SOX5: variants seen among roughly 807,000 people sequenced by gnomAD.
SOX5 encodes SRY-box transcription factor 5, also known as transcription factor SOX-5.
A neutral mutation model predicts 92.0 loss-of-function variants in SOX5; 9 were observed. The observed-to-expected ratio is 0.10, with a 90% CI of 0.06 to 0.17. The LOEUF (loss-of-function observed/expected upper bound fraction) is 0.17. SOX5 is among the 10% of genes least tolerant of loss of function. SOX5 has a pLI of 1.00. For missense variants in SOX5, 642 were observed against 944.5 expected (o/e 0.68, Z 4.20); for synonymous variants, 344 against 336.3 (o/e 1.02, Z -0.25).
rs148922467 is a variant in SOX5, at chr12:23,776,463, A to G, written c.482-20739T>C. Among the ~76,000 whole-genome samples, 65 of 152,306 alleles carry G rather than the reference A, an allele frequency of 4.3e-4. 1 individual carries two copies. The East Asian group carries it at 9.6e-3, about 23-fold the overall frequency. On this transcript the variant is annotated intron_variant, in intron 3 of 14. Transcript: ENST00000451604. ...TCAGAGAAGAAACTATAGAAACAGA[A>G]CTTTAGAGTTGAAAGGGACCTTAGA... is the stretch of plus-strand genomic sequence containing the variant.
At chr12:24,176,266 C>A (rs1954799335) in intron 4 of SOX5, among the ~76,000 whole-genome samples, 2 of 151,888 alleles carry the variant, frequency 1.3e-5, no homozygotes, top group African/African-American at 4.8e-5. Flanking sequence ...GAAGTTCAGA[C>A]TGCAGTGAGC....
chr12:23,882,679 A>C (rs1012678780), intron 2 of SOX5, among the ~76,000 whole-genome samples: 1 of 152,224 alleles, frequency 6.6e-6, no homozygotes, highest in African/African-American at 2.4e-5. Flanking sequence ...ACTGAAACTC[A>C]CTATACAAAA....
Position 23,776,691 on chromosome 12 carries a change from C to T in SOX5, c.482-20967G>A, listed in dbSNP as rs183330276. On this transcript the variant is annotated intron_variant, in intron 3 of 14. Transcript: ENST00000451604. ...AATGGTTCCACCTCAGATCATCAGG[C>T]ATTAGATTCTCATACAGAGTGCACA... 3.1e-4 allele frequency among the ~76,000 whole-genome samples: 47 copies of T among 152,236 alleles called. 1 individual carries two copies. The East Asian group carries it at 8.3e-3, about 27-fold the overall frequency.
At chr12:23,815,534 A>G (rs973788584) in intron 3 of SOX5, among the ~76,000 whole-genome samples, 1 of 152,204 alleles carries the variant, frequency 6.6e-6, no homozygotes, top group Non-Finnish European at 1.5e-5. Context: ...TAATAAAAAC[A>G]TTGATAGCTC....
chr12:23,731,218 T>G (rs754178069), intron 6 of SOX5, among the ~76,000 whole-genome samples: 26 of 152,172 alleles, frequency 1.7e-4, no homozygotes, highest in Non-Finnish European at 2.5e-4. Flanking sequence ...ATCAACAGCT[T>G]CCCTGGTTCT....
chr12:23,824,647 G>A (rs558849967), intron 3 of SOX5, among the ~76,000 whole-genome samples: 1 of 152,294 alleles, frequency 6.6e-6, no homozygotes, highest in South Asian at 2.1e-4. Context: ...TTCAGAGCCT[G>A]TAGGCAGGGA....
intron 8 of SOX5, among the ~76,000 whole-genome samples, chr12:23,639,226 C>T (rs1158635645): frequency 6.6e-6 from 1 of 152,018 alleles, no homozygotes; most frequent in African/African-American, 2.4e-5. Context: ...ATAAAAATCT[C>T]ATATAGTATA....
intron 1 of SOX5, among the ~76,000 whole-genome samples, chr12:23,918,514 G>A (rs567261122): frequency 1.3e-5 from 2 of 152,222 alleles, no homozygotes; most frequent in South Asian, 4.1e-4. Flanking sequence ...AATGAATATG[G>A]TTCTTTATTT....
intron 3 of SOX5, among the ~76,000 whole-genome samples, chr12:23,827,831 A>G (rs1470473359): frequency 6.6e-6 from 1 of 152,212 alleles, no homozygotes; most frequent in East Asian, 1.9e-4. Flanking sequence ...ACCTCTTTCA[A>G]TTTGGGAAGG....
chr12:23,599,926 TAAA>T (rs1347930757), intron 9 of SOX5, among the ~76,000 whole-genome samples: 1 of 152,180 alleles, frequency 6.6e-6, no homozygotes, highest in African/African-American at 2.4e-5. Flanking sequence ...TCTAGTCTCT[TAAA>T]AGACTACATG....
At chr12:23,861,350 A>G (rs1341643321) in intron 2 of SOX5, among the ~76,000 whole-genome samples, 2 of 152,202 alleles carry the variant, frequency 1.3e-5, no homozygotes, top group African/African-American at 4.8e-5. Flanking sequence ...TACAGGTGAC[A>G]GTATTTTCAT....
intron 2 of SOX5, among the ~76,000 whole-genome samples, chr12:24,291,049 AT>A (rs2140507509): frequency 6.6e-6 from 1 of 152,332 alleles, no homozygotes. Flanking sequence ...GTATTAGGCA[AT>A]AGGCAGTACT....
intron 1 of SOX5, among the ~76,000 whole-genome samples, chr12:23,917,311 C>T (rs189419993): frequency 2.2e-3 from 329 of 152,088 alleles, no homozygotes; most frequent in African/African-American, 7.0e-3. Context: ...GAGGCTGAGG[C>T]GGGCAAATCA....
intron 4 of SOX5, among the ~76,000 whole-genome samples, chr12:24,106,445 T>C (rs1194533576): frequency 6.6e-6 from 1 of 152,154 alleles, no homozygotes; most frequent in Non-Finnish European, 1.5e-5. Context: ...AAATAATTCA[T>C]GTGAAATGTA....
At chr12:23,816,598 T>C (rs2096000434) in intron 3 of SOX5, among the ~76,000 whole-genome samples, 1 of 152,092 alleles carries the variant, frequency 6.6e-6, no homozygotes, top group African/African-American at 2.4e-5. Flanking sequence ...TGAATGGCCA[T>C]CATTCAAATG....
intron 4 of SOX5, among the ~76,000 whole-genome samples, chr12:23,751,434 T>G (rs1393654655): frequency 2.0e-5 from 3 of 151,894 alleles, no homozygotes; most frequent in African/African-American, 7.2e-5. Context: ...TGTTTTAAAT[T>G]TATAAAACTT....
chr12:23,800,838 T>C (rs1313090431), intron 3 of SOX5, among the ~76,000 whole-genome samples: 1 of 152,180 alleles, frequency 6.6e-6, no homozygotes, highest in Non-Finnish European at 1.5e-5. Context: ...TTTACCTGTT[T>C]GCTTATCTGT....
chr12:24,298,906 C>T (rs1260757335), intron 2 of SOX5, among the ~76,000 whole-genome samples: 1 of 150,996 alleles, frequency 6.6e-6, no homozygotes, highest in Non-Finnish European at 1.5e-5. Context: ...CCCTAGTTTT[C>T]AGTATGTAAA....
At chr12:24,256,342 T>G (rs1941159568) in intron 3 of SOX5, among the ~76,000 whole-genome samples, 1 of 152,214 alleles carries the variant, frequency 6.6e-6, no homozygotes, top group Admixed American at 6.5e-5. Flanking sequence ...CTGAAGGGAC[T>G]GAAAAATTCT....
Sources: allele counts gnomAD v4.1 joint callset (sites outside exome capture counted in the v4.1 genomes callset), GRCh38; gene constraint gnomAD v4.1.1; transcripts MANE v1.5; gene names NCBI Gene and HGNC (gene_info 2026-07-23, HGNC 2026-07-21).